Variants in ARPC1A observed in about 807,000 individuals in gnomAD.
The protein encoded by ARPC1A is actin-related protein 2/3 complex subunit 1A.
ARPC1A carries 8 observed loss-of-function variants against 46.9 expected under a neutral mutation model. The ratio of observed to expected loss-of-function variants is 0.17; its 90% confidence interval spans 0.10 to 0.31. The LOEUF (loss-of-function observed/expected upper bound fraction) is 0.31, where lower values mean the gene tolerates loss of function less well. Among genes scored for constraint, ARPC1A ranks in the 10% least tolerant of loss-of-function variants. The pLI is 1.00. For synonymous variants in ARPC1A, 152 were observed against 169.0 expected (o/e 0.90, Z 0.78); for missense variants, 286 against 483.6 (o/e 0.59, Z 3.83).
At chr7:99,348,244 CAG>C (rs1460466663) in intron 4 of ARPC1A, among the ~76,000 whole-genome samples, 5 of 152,188 alleles carry the variant, frequency 3.3e-5, no homozygotes, top group Non-Finnish European at 7.3e-5. Flanking sequence ...GTTTTTATCT[CAG>C]AGGTTAACGT....
intron 3 of ARPC1A, among the ~76,000 whole-genome samples, chr7:99,342,993 G>A (rs1193437789): frequency 2.0e-5 from 3 of 151,874 alleles, no homozygotes; most frequent in Admixed American, 2.0e-4. Flanking sequence ...AAGAGCCACC[G>A]CGCCCGGCCT....
rs746968599 is a variant in ARPC1A at position 99,348,808 on chromosome 7, T to C, written c.393-44T>C. 7.2e-6 allele frequency: 11 copies of C among 1,520,340 alleles called. No homozygotes were observed. In the East Asian group the frequency reaches 1.4e-4, roughly 19 times the overall value. 94.2% of individuals were successfully genotyped at this position (1,520,340 alleles called of 1,614,324 possible). ...CATACATTTGTAGGTCATTTGGGGATGCTGGTTGAGTGGATAAACTGAAAC... is the reference window on the plus strand; with the variant it reads ...CATACATTTGTAGGTCATTTGGGGACGCTGGTTGAGTGGATAAACTGAAAC... On this transcript the variant is annotated intron_variant, in intron 4 of 9. Coordinates refer to ENST00000262942, the MANE Select transcript of ARPC1A (RefSeq NM_006409.4).
chr7:99,360,199 T>A (rs1016784262), intron 8 of ARPC1A: 6 of 175,298 alleles, frequency 3.4e-5, no homozygotes, highest in Non-Finnish European at 7.4e-5. Flanking sequence ...ATAAGAAGAT[T>A]ATTTAATTAA....
chr7:99,327,710 ACTC>A (rs1441272633), intron 1 of ARPC1A, among the ~76,000 whole-genome samples: 1 of 150,994 alleles, frequency 6.6e-6, no homozygotes, highest in African/African-American at 2.4e-5. Flanking sequence ...ATTTCGGAAA[ACTC>A]CTATTTTGGA....
intron 6 of ARPC1A, among the ~76,000 whole-genome samples, chr7:99,355,480 C>T (rs1793612756): frequency 6.6e-6 from 1 of 152,150 alleles, no homozygotes; most frequent in African/African-American, 2.4e-5. Context: ...CACAGTGGCT[C>T]ACACCTATAA....
chr7:99,334,549 G>A (rs1046361514), intron 2 of ARPC1A, among the ~76,000 whole-genome samples: 2 of 152,064 alleles, frequency 1.3e-5, no homozygotes, highest in African/African-American at 2.4e-5. Context: ...CCTTCTAAGA[G>A]TCTTAAAGCT....
At chr7:99,331,694 G>T (rs1435963826) in intron 1 of ARPC1A, among the ~76,000 whole-genome samples, 1 of 152,118 alleles carries the variant, frequency 6.6e-6, no homozygotes, top group Non-Finnish European at 1.5e-5. Flanking sequence ...TGAGGAGGGC[G>T]GGTCACTTGA....
chr7:99,355,543 G>T (rs549213915), intron 6 of ARPC1A, among the ~76,000 whole-genome samples: 1 of 152,036 alleles, frequency 6.6e-6, no homozygotes, highest in African/African-American at 2.4e-5. Context: ...TCAGGAGTTC[G>T]AGAGCAGCCT....
chr7:99,360,830 A>C (rs977108373), intron 8 of ARPC1A, among the ~76,000 whole-genome samples: 1 of 151,168 alleles, frequency 6.6e-6, no homozygotes. Context: ...AATCCCAGCT[A>C]CTCGGCAGGC....
intron 9 of ARPC1A, 148 bp from the exon 10 acceptor site, chr7:99,365,743 G>C (rs1793828574): frequency 2.4e-6 from 2 of 834,908 alleles, no homozygotes; most frequent in Non-Finnish European, 3.8e-6. Flanking sequence ...TGCGGGGTGA[G>C]TCCTGGGAGA....
At chr7:99,360,632 G>A (rs973015625) in intron 8 of ARPC1A, among the ~76,000 whole-genome samples, 2 of 152,034 alleles carry the variant, frequency 1.3e-5, no homozygotes, top group Admixed American at 6.6e-5. Context: ...TGGCCTGAAA[G>A]TTTGATTTTT....
chr7:99,342,631 A>G (rs930444548), intron 3 of ARPC1A, among the ~76,000 whole-genome samples: 1 of 151,752 alleles, frequency 6.6e-6, no homozygotes, highest in Non-Finnish European at 1.5e-5. Flanking sequence ...ACACATTCTC[A>G]TATTTTCTTC....
chr7:99,362,201 G>A (rs1326429012), intron 8 of ARPC1A, among the ~76,000 whole-genome samples: 1 of 151,772 alleles, frequency 6.6e-6, no homozygotes, highest in East Asian at 2.0e-4. Context: ...GTCTGAGGCA[G>A]GAGAATCGCT....
intron 1 of ARPC1A, among the ~76,000 whole-genome samples, chr7:99,328,864 T>A (rs1793097132): frequency 6.6e-6 from 1 of 151,874 alleles, no homozygotes; most frequent in Non-Finnish European, 1.5e-5. Context: ...AGTGGGAGGA[T>A]GGCTTGACCC....
intron 4 of ARPC1A, 97 bp downstream of exon 4, chr7:99,344,612 A>G: frequency 7.8e-7 from 1 of 1,279,210 alleles, no homozygotes; most frequent in Non-Finnish European, 1.1e-6. Context: ...TCTCATCCGG[A>G]GTTGTGTGGT....
rs3052172 is a variant in ARPC1A at position 99,365,615 on chromosome 7, T to TAAA, written c.1075-263_1075-261dup. Among the ~76,000 whole-genome samples the TAAA allele has an allele frequency of 1.2e-4, 17 of 138,202 alleles. No individual in the cohort carries two copies. In the South Asian group the frequency reaches 1.4e-3, roughly 11 times the overall value. The allele number at this position is 138,202 out of a possible 152,430, so 90.7% of individuals were successfully genotyped here. A position where few individuals can be genotyped will look rare whatever the true frequency, so the allele number is the denominator to read the frequency against. ...GGGCAACAGAGCAAGACCCTATCTT[T>TAAA]AAAAAAAAAAAAAAAGAGGAGTGAG... On this transcript the variant is annotated intron_variant, in intron 9 of 9. Transcript: ENST00000262942.
intron 3 of ARPC1A, among the ~76,000 whole-genome samples, chr7:99,340,467 A>G (rs1490446049): frequency 4.2e-3 from 2 of 472 alleles, no homozygotes; most frequent in African/African-American, 0.018. Context: ...TCTTTTAGAC[A>G]GGGTCTTGGC....
chr7:99,342,865 C>T (rs920133849), intron 3 of ARPC1A, among the ~76,000 whole-genome samples: 12 of 151,534 alleles, frequency 7.9e-5, no homozygotes, highest in Admixed American at 7.3e-4. Flanking sequence ...TGGGACTACA[C>T]GCGCCTGTCA....
chr7:99,365,883 T>C lies in ARPC1A; in HGVS notation c.1075-8T>C. The C allele has an allele frequency of 1.3e-6, 2 of 1,571,830 alleles. No homozygotes were observed. The highest frequency in any genetic ancestry group is 2.3e-5 in the South Asian group (2 of 85,844). On this transcript the variant is annotated splice_region_variant and splice_polypyrimidine_tract_variant and intron_variant, in intron 9 of 9. Transcript: ENST00000262942. Reference sequence around the variant, plus strand: ...AGTGACATCAGTGCTCTTCCCACCTTTTCCAAGACCCTCGAGTCTTCCATC... The same window carrying C: ...AGTGACATCAGTGCTCTTCCCACCTCTTCCAAGACCCTCGAGTCTTCCATC...
Sources: gnomAD v4.1 joint callset for allele counts (sites outside exome capture counted in the v4.1 genomes callset) on GRCh38, gnomAD v4.1.1 for gene constraint, MANE v1.5 for transcripts, NCBI Gene and HGNC (gene_info 2026-07-23, HGNC 2026-07-21) for gene names.